HELQ: variants seen among roughly 807,000 people sequenced by gnomAD.
HELQ encodes helicase, POLQ like, also known as helicase POLQ-like.
A neutral mutation model predicts 111.6 loss-of-function variants in HELQ; 77 were observed. That is an observed-to-expected ratio of 0.69 (90% CI 0.57 to 0.83). HELQ has a LOEUF of 0.83. Ranked by LOEUF, HELQ falls within the 40% of genes least tolerant of loss-of-function variation. The probability of loss-of-function intolerance (pLI) is 0.00; values close to 1 mark genes in which losing one functional copy is unlikely to be tolerated. For missense variants in HELQ, 1,200 were observed against 1,288.5 expected (o/e 0.93, Z 1.05); for synonymous variants, 438 against 454.7 (o/e 0.96, Z 0.47).
chr4:83,418,320 G>T (rs1020110134), intron 15 of HELQ, 114 bp from the exon 16 acceptor site: 1 of 524,808 alleles, frequency 1.9e-6, no homozygotes, highest in Non-Finnish European at 3.4e-6. Context: ...TGGAACTTGA[G>T]TTAAGCCAGA....
chr4:83,407,348 A>T lies in HELQ; in HGVS notation c.*105T>A. On this transcript the variant is annotated 3_prime_UTR_variant, in exon 18 of 18. Coordinates refer to ENST00000295488, the MANE Select transcript of HELQ (RefSeq NM_133636.5). ...TATTCAAACATTATTCGTAGTTCTT[A>T]ATGTATAACTGAAATGTATTTTTTC... is the stretch of plus-strand genomic sequence containing the variant. 1 of 660,902 alleles carries T rather than the reference A, an allele frequency of 1.5e-6. No homozygotes were observed. 40.9% of individuals were successfully genotyped at this position (660,902 alleles called of 1,614,324 possible). A position where few individuals can be genotyped will look rare whatever the true frequency, so the allele number is the denominator to read the frequency against.
At chr4:83,424,094 A>C (rs1719708283) in intron 14 of HELQ, among the ~76,000 whole-genome samples, 1 of 152,212 alleles carries the variant, frequency 6.6e-6, no homozygotes, top group African/African-American at 2.4e-5. Flanking sequence ...ATTTGTAATT[A>C]AGATAAGTTC....
intron 16 of HELQ, among the ~76,000 whole-genome samples, chr4:83,417,136 T>C (rs980110914): frequency 1.3e-5 from 2 of 152,086 alleles, no homozygotes; most frequent in East Asian, 1.9e-4. Flanking sequence ...GTTGGTGGCA[T>C]CATCTCATAT....
chr4:83,443,756 A>G (rs546285104), intron 5 of HELQ, 142 bp from the exon 6 acceptor site: 2 of 503,908 alleles, frequency 4.0e-6, no homozygotes, highest in Admixed American at 3.4e-5. Flanking sequence ...AGTAAGAAAA[A>G]TACAAATAGC....
chr4:83,443,614 T>G lies in HELQ; in HGVS notation c.1466A>C (p.Lys489Thr). 1 of 1,424,614 alleles carries G rather than the reference T, an allele frequency of 7.0e-7. No individual in the cohort carries two copies. Among genetic ancestry groups the G allele is most frequent in the Non-Finnish European group, 9.8e-7 (1 of 1,025,156 alleles). 88.2% of individuals were successfully genotyped at this position (1,424,614 alleles called of 1,614,324 possible). The change falls in exon 6 of 18, where the codon AAA becomes ACA. Residue 489 changes from lysine (K) to threonine (T), a missense_variant and splice_region_variant. This residue lies in a region of HELQ where 610 missense variants were observed against 607.1 expected (regional missense o/e 1.00). Coordinates refer to ENST00000295488, the MANE Select transcript of HELQ (RefSeq NM_133636.5). ...ACTCATACCAATAATTTGAGTCGTT[T>G]CTAAAACACAAACAAACAAAAGCCA... ...MTLAKILYTS[K>T]TTQIIGMSAT...
intron 17 of HELQ, among the ~76,000 whole-genome samples, chr4:83,415,941 C>T (rs149552299): frequency 0.034 from 4,902 of 146,026 alleles, 98 homozygotes; most frequent in Middle Eastern, 0.073. Flanking sequence ...GCCACCGAAC[C>T]CAGCCATTTT....
rs773022824 is a variant in HELQ, at chr4:83,453,935, C to T, written c.308G>A (p.Ser103Asn). Residue 103 changes from serine (S) to asparagine (N), a missense_variant, in exon 2 of 18, where the codon AGT becomes AAT. Around this residue, in one of 3 missense-constraint regions of HELQ, gnomAD observed 610 missense variants for 607.1 expected, o/e 1.00. Coordinates refer to ENST00000295488, the MANE Select transcript of HELQ (RefSeq NM_133636.5). Reference sequence around the variant, plus strand: ...ATAGTCACCAAACATGTCCACTTCACTGTCATTAGGCTGCAAAGAGAACAA... The same window carrying T: ...ATAGTCACCAAACATGTCCACTTCATTGTCATTAGGCTGCAAAGAGAACAA... ...DRGVGDQPND[S>N]EVDMFGDYDS... 6.9e-6 allele frequency: 11 copies of T among 1,601,844 alleles called. No individual in the cohort carries two copies. The African/African-American group carries it at 1.5e-4, about 22-fold the overall frequency.
chr4:83,441,904 G>A (rs1398671061), intron 6 of HELQ, among the ~76,000 whole-genome samples: 1 of 151,576 alleles, frequency 6.6e-6, no homozygotes, highest in African/African-American at 2.4e-5. Context: ...CTCCTGAGTA[G>A]CTGGGATGAC....
intron 3 of HELQ, among the ~76,000 whole-genome samples, chr4:83,447,329 A>G (rs995501040): frequency 6.6e-6 from 1 of 152,180 alleles, no homozygotes; most frequent in African/African-American, 2.4e-5. Flanking sequence ...CCTGGGCGAC[A>G]GAGCAAGACC....
At position 83,453,593 on chromosome 4, in the gene HELQ, G is replaced by C. The variant is rs150761300; in HGVS notation, c.650C>G (p.Ser217Cys). The change falls in exon 2 of 18, where the codon TCT becomes TGT. Residue 217 changes from serine (S) to cysteine (C), a missense_variant. Physicochemically the swap from Ser to Cys is moderately radical, Grantham distance 112 (BLOSUM62 -1). Around this residue, in one of 3 missense-constraint regions of HELQ, gnomAD observed 610 missense variants for 607.1 expected, o/e 1.00. Transcript: ENST00000295488. ...TGACTTCCAATCCCTTTCTTTCATA[G>C]AATGATCACCCAAATCATTTGAAGA... ...QNSSNDLGDHSMKERDWKSSS... is the reference protein window; with the variant it reads ...QNSSNDLGDHCMKERDWKSSS... The C allele has an allele frequency of 5.6e-6, 9 of 1,612,400 alleles. No homozygotes were observed. The highest frequency in any genetic ancestry group is 7.6e-6 in the Non-Finnish European group (9 of 1,178,632).
rs1721496782 is a variant in HELQ at position 83,453,253 on chromosome 4, G to A, written c.990C>T (p.Phe330=). ...PSKVRDLYAQ[F]KGIEKLYEWQ... Reference sequence around the variant, plus strand: ...TACCATATAATTTTTCAATTCCCTTGAATTGGGCATAAAGGTCTCTCACTT... The same window carrying A: ...TACCATATAATTTTTCAATTCCCTTAAATTGGGCATAAAGGTCTCTCACTT... The change falls in exon 2 of 18, where the codon TTC becomes TTT. Residue 330 remains phenylalanine (F), a synonymous_variant. Coordinates refer to ENST00000295488, the MANE Select transcript of HELQ (RefSeq NM_133636.5). 6.2e-7 allele frequency: 1 copy of A among 1,606,428 alleles called. No homozygotes were observed. Among genetic ancestry groups the A allele is most frequent in the Admixed American group, 1.7e-5 (1 of 57,984 alleles).
rs573475973 is a variant in HELQ at position 83,418,283 on chromosome 4, C to T, written c.2950-77G>A. ...AGTTTGGTTTGTGTGATAGGGGGCTCAGAGAGAATGTTCCTTACATAAGTT... is the reference window on the plus strand; with the variant it reads ...AGTTTGGTTTGTGTGATAGGGGGCTTAGAGAGAATGTTCCTTACATAAGTT... On this transcript the variant is annotated intron_variant, in intron 15 of 17. Coordinates refer to ENST00000295488, the MANE Select transcript of HELQ (RefSeq NM_133636.5). 4.2e-6 allele frequency: 3 copies of T among 719,874 alleles called. No homozygotes were observed. In the African/African-American group the frequency reaches 5.5e-5, roughly 13 times the overall value. 44.6% of individuals were successfully genotyped at this position (719,874 alleles called of 1,614,324 possible). A position where few individuals can be genotyped will look rare whatever the true frequency, so the allele number is the denominator to read the frequency against.
chr4:83,429,512 G>A lies in HELQ; in HGVS notation c.2518+12C>T, dbSNP rs1720028533. ...GTTTCCTATGATCAATAAGATTTAG[G>A]TAAACTCTTACCCTTAAATGAAGCA... On this transcript the variant is annotated intron_variant, in intron 12 of 17. Coordinates refer to ENST00000295488, the MANE Select transcript of HELQ (RefSeq NM_133636.5). The A allele has an allele frequency of 8.7e-6, 13 of 1,502,050 alleles. No homozygotes were observed. In the East Asian group the frequency reaches 2.9e-4, roughly 34 times the overall value. The allele number at this position is 1,502,050 out of a possible 1,614,324, so 93.0% of individuals were successfully genotyped here.
At chr4:83,431,016 C>T (rs1378128493) in intron 11 of HELQ, among the ~76,000 whole-genome samples, 3 of 152,108 alleles carry the variant, frequency 2.0e-5, no homozygotes, top group Non-Finnish European at 4.4e-5. Flanking sequence ...TCTGGCTTCT[C>T]AAATCCAGAT....
At chr4:83,427,460 G>A in intron 13 of HELQ, 103 bp downstream of exon 13, 1 of 953,662 alleles carries the variant, frequency 1.0e-6, no homozygotes, top group Non-Finnish European at 1.5e-6. Flanking sequence ...TTTGAGACCA[G>A]CCTGGGCAAC....
chr4:83,448,753 ATT>A (rs747037755), intron 3 of HELQ, 28 bp downstream of exon 3: 78 of 1,564,182 alleles, frequency 5.0e-5, no homozygotes, highest in East Asian at 1.1e-4. Flanking sequence ...AGCAAATAAC[ATT>A]TGTTTTAAAA....
intron 9 of HELQ, among the ~76,000 whole-genome samples, chr4:83,433,652 C>T (rs796774118): frequency 1.4e-4 from 17 of 119,328 alleles, no homozygotes; most frequent in African/African-American, 3.8e-4. Flanking sequence ...GGTGACAGAG[C>T]GAGACTCCGT....
chr4:83,437,618 A>C (rs1452393049), intron 8 of HELQ, among the ~76,000 whole-genome samples: 6 of 151,764 alleles, frequency 4.0e-5, no homozygotes, highest in Admixed American at 3.9e-4. Flanking sequence ...AAAAAAAAAA[A>C]AAAAAGGAAA....
At chr4:83,416,974 ATAAAG>A (rs1370552782) in intron 16 of HELQ, 109 bp from the exon 17 acceptor site, 5 of 919,540 alleles carry the variant, frequency 5.4e-6, no homozygotes, top group Non-Finnish European at 8.1e-6. Context: ...CTGGGATAAA[ATAAAG>A]TAAATATGAA....
Sources: allele counts gnomAD v4.1 joint callset (sites outside exome capture counted in the v4.1 genomes callset), GRCh38; gene constraint gnomAD v4.1.1; regional missense constraint gnomAD v4.1.1; transcripts MANE v1.5; gene names NCBI Gene and HGNC (gene_info 2026-07-23, HGNC 2026-07-21).